The following SHLD1 variants were observed in gnomAD, a reference collection of about 807,000 sequenced individuals.
SHLD1 encodes the protein shieldin complex subunit 1.
Under a neutral mutation model 5.5 loss-of-function variants are expected in SHLD1, and 3 were observed. That is an observed-to-expected ratio of 0.54 (90% CI 0.25 to 1.40). The LOEUF is 1.40. Ranked by LOEUF, SHLD1 falls within the 40% of genes most tolerant of loss-of-function variation. SHLD1 has a pLI of 0.15. For missense variants in SHLD1, 210 were observed against 244.4 expected, an observed-to-expected ratio of 0.86 and a Z score of 0.94; for synonymous variants, 92 against 94.3, an observed-to-expected ratio of 0.98 and a Z score of 0.14.
intron 2 of SHLD1, among the ~76,000 whole-genome samples, chr20:5,807,725 C>T (rs7273955): frequency 0.024 from 3,589 of 152,196 alleles, 78 homozygotes; most frequent in African/African-American, 0.056. Context: ...GGTACCCCTT[C>T]GACTTCCTTT....
intron 1 of SHLD1, among the ~76,000 whole-genome samples, chr20:5,755,055 C>CA (rs61439374): frequency 0.013 from 1,805 of 134,298 alleles, 42 homozygotes; most frequent in African/African-American, 0.044. Flanking sequence ...GACCCTGTCT[C>CA]AAAAAAAAAA....
intron 1 of SHLD1, among the ~76,000 whole-genome samples, chr20:5,758,796 G>T (rs561337926): frequency 6.6e-6 from 1 of 152,006 alleles, no homozygotes; most frequent in South Asian, 2.1e-4. Context: ...GCTTTGGGAA[G>T]GTCATCCTGA....
intron 2 of SHLD1, among the ~76,000 whole-genome samples, chr20:5,822,015 G>A (rs1215689048): frequency 1.3e-5 from 2 of 152,194 alleles, no homozygotes; most frequent in African/African-American, 2.4e-5. Flanking sequence ...TGAGTGCTAG[G>A]AGGTGAGGAG....
At chr20:5,847,641 G>C (rs1295529892) in intron 2 of SHLD1, among the ~76,000 whole-genome samples, 1 of 152,168 alleles carries the variant, frequency 6.6e-6, no homozygotes, top group African/African-American at 2.4e-5. Context: ...AACACAAGTG[G>C]CCCCTAACTG....
chr20:5,783,049 G>A (rs912792703), intron 2 of SHLD1, among the ~76,000 whole-genome samples: 7 of 152,206 alleles, frequency 4.6e-5, no homozygotes, highest in Non-Finnish European at 1.0e-4. Flanking sequence ...AGAGTATGGA[G>A]AGGAAAGGAA....
intron 1 of SHLD1, among the ~76,000 whole-genome samples, chr20:5,766,683 C>T (rs1984846611): frequency 1.3e-5 from 2 of 152,146 alleles, no homozygotes; most frequent in South Asian, 4.1e-4. Flanking sequence ...AATGCCTGGC[C>T]TCTAACAAGC....
chr20:5,864,325 A>G lies in SHLD1; in HGVS notation c.*862A>G, dbSNP rs1777354. Among the ~76,000 whole-genome samples the G allele has an allele frequency of 0.49, 75,088 of 152,122 alleles. 19,535 individuals are homozygous for G. The highest frequency in any genetic ancestry group is 0.68 in the East Asian group (3,518 of 5,174). On this transcript the variant is annotated 3_prime_UTR_variant, in exon 3 of 3. Coordinates refer to ENST00000303142, the MANE Select transcript of SHLD1 (RefSeq NM_152504.4). ...CACCACAGTATATGTAAGCACAATT[A>G]TGCTACGCTAGGCTGATGCCACGTG... is the stretch of plus-strand genomic sequence containing the variant.
intron 2 of SHLD1, among the ~76,000 whole-genome samples, chr20:5,816,066 G>T (rs1446547973): frequency 7.6e-6 from 1 of 131,974 alleles, no homozygotes; most frequent in African/African-American, 2.7e-5. Flanking sequence ...GGGTGACAGA[G>T]TGAGACTCTG....
At chr20:5,815,213 G>A (rs1401048961) in intron 2 of SHLD1, among the ~76,000 whole-genome samples, 1 of 152,190 alleles carries the variant, frequency 6.6e-6, no homozygotes, top group Non-Finnish European at 1.5e-5. Context: ...TCAACTGCAA[G>A]TTTTAATGAT....
chr20:5,844,799 A>ATATATTTT lies in SHLD1; in HGVS notation c.179-18224_179-18223insATATTTTT, dbSNP rs1460082835. 4.9e-4 allele frequency among the ~76,000 whole-genome samples: 35 copies of ATATATTTT among 71,710 alleles called. No individual in the cohort carries two copies. The South Asian group carries it at 5.9e-3, about 12-fold the overall frequency. 47.0% of individuals were successfully genotyped at this position (71,710 alleles called of 152,430 possible). A position where few individuals can be genotyped will look rare whatever the true frequency, so the allele number is the denominator to read the frequency against. On this transcript the variant is annotated intron_variant, in intron 2 of 2. Transcript: ENST00000303142. ...TATATATATATATATATATATATAT[A>ATATATTTT]TTTTTTTTTTTTTGAGACACAGTCT...
At chr20:5,807,738 G>C (rs1384538271) in intron 2 of SHLD1, among the ~76,000 whole-genome samples, 7 of 152,116 alleles carry the variant, frequency 4.6e-5, no homozygotes, top group Non-Finnish European at 1.0e-4. Flanking sequence ...CTTCCTTTTG[G>C]AGAATATAGC....
intron 2 of SHLD1, among the ~76,000 whole-genome samples, chr20:5,833,892 C>T (rs1166003192): frequency 2.0e-5 from 3 of 152,130 alleles, no homozygotes; most frequent in Non-Finnish European, 2.9e-5. Flanking sequence ...TTTCCATTTG[C>T]TCTAACGCTT....
At chr20:5,783,508 G>A (rs1044242610) in intron 2 of SHLD1, among the ~76,000 whole-genome samples, 1 of 152,142 alleles carries the variant, frequency 6.6e-6, no homozygotes, top group Non-Finnish European at 1.5e-5. Context: ...ATAGGCGAGA[G>A]CCACCATGCC....
chr20:5,782,079 T>C (rs1246029286), intron 2 of SHLD1, among the ~76,000 whole-genome samples: 2 of 152,042 alleles, frequency 1.3e-5, no homozygotes, highest in African/African-American at 4.8e-5. Context: ...ATGTGCCCCC[T>C]CCTCCCTGGT....
intron 2 of SHLD1, among the ~76,000 whole-genome samples, chr20:5,852,729 C>T (rs556936592): frequency 3.3e-5 from 5 of 152,316 alleles, no homozygotes; most frequent in East Asian, 3.9e-4. Flanking sequence ...GGATTACAGG[C>T]GTGAGCCACT....
chr20:5,791,744 A>G (rs1311025882), intron 2 of SHLD1, among the ~76,000 whole-genome samples: 1 of 152,164 alleles, frequency 6.6e-6, no homozygotes, highest in Non-Finnish European at 1.5e-5. Context: ...CATACCTGAC[A>G]AAGAACTAGT....
chr20:5,858,012 T>C (rs2088112383), intron 2 of SHLD1, among the ~76,000 whole-genome samples: 1 of 148,756 alleles, frequency 6.7e-6, no homozygotes, highest in Non-Finnish European at 1.5e-5. Flanking sequence ...GGCAGGAGAA[T>C]CACTTGAACC....
intron 2 of SHLD1, among the ~76,000 whole-genome samples, chr20:5,847,061 A>G (rs1274188056): frequency 6.6e-6 from 1 of 152,152 alleles, no homozygotes; most frequent in Non-Finnish European, 1.5e-5. Context: ...AATGACGTCA[A>G]ATGATAGCCA....
chr20:5,816,370 C>T (rs546169018), intron 2 of SHLD1, among the ~76,000 whole-genome samples: 1 of 152,200 alleles, frequency 6.6e-6, no homozygotes, highest in South Asian at 2.1e-4. Context: ...AGTTCTACTG[C>T]GTATATTCGG....
Sources: allele counts gnomAD v4.1 joint callset (sites outside exome capture counted in the v4.1 genomes callset), GRCh38; gene constraint gnomAD v4.1.1; transcripts MANE v1.5; gene names NCBI Gene and HGNC (gene_info 2026-07-23, HGNC 2026-07-21).